ROCK1: variants seen among roughly 807,000 people sequenced by gnomAD.
ROCK1 encodes the protein Rho associated coiled-coil containing protein kinase 1.
In ROCK1, 36 loss-of-function variants were observed where a neutral mutation model predicts 196.8. The ratio of observed to expected loss-of-function variants is 0.18; its 90% CI spans 0.14 to 0.24. ROCK1 has a LOEUF of 0.24. Ranked by LOEUF, ROCK1 falls within the 10% of genes least tolerant of loss-of-function variation. ROCK1 has a pLI of 1.00. For synonymous variants in ROCK1, 443 were observed against 515.9 expected, an observed-to-expected ratio of 0.86 and a Z score of 1.91; for missense variants, 920 against 1,562.0, an observed-to-expected ratio of 0.59 and a Z score of 6.93.
chr18:20,992,848 G>C lies in ROCK1; in HGVS notation c.1975C>G (p.Leu659Val). 2 of 1,596,882 alleles carry C rather than the reference G, an allele frequency of 1.3e-6. No homozygotes were observed. The highest frequency in any genetic ancestry group is 1.7e-6 in the Non-Finnish European group (2 of 1,165,108). The change falls in exon 17 of 33, where the codon CTT becomes GTT. Residue 659 changes from leucine to valine, a missense_variant. Leu to Val is a conservative substitution (Grantham distance 32). Around this residue, in one of 6 missense-constraint regions of ROCK1, gnomAD observed 520 missense variants for 657.1 expected, o/e 0.79. Coordinates refer to ENST00000399799, the MANE Select transcript of ROCK1 (RefSeq NM_005406.3). ...EGERKEAQDMLNHSEKEKNNL... is the reference protein window; with the variant it reads ...EGERKEAQDMVNHSEKEKNNL... The stretch of plus-strand genomic sequence containing the variant: ...TCATTTACCTTTTCTGAGTGATTAA[G>C]CATGTCTTGAGCCTCTTTTCTTTCT...
chr18:21,104,104 C>A (rs2036682399), intron 1 of ROCK1, among the ~76,000 whole-genome samples: 1 of 152,128 alleles, frequency 6.6e-6, no homozygotes, highest in Non-Finnish European at 1.5e-5. Context: ...CAATAGAACT[C>A]TATATATAAT....
At chr18:20,981,311 G>A (rs1037307195) in intron 21 of ROCK1, among the ~76,000 whole-genome samples, 7 of 151,384 alleles carry the variant, frequency 4.6e-5, no homozygotes, top group African/African-American at 7.3e-5. Context: ...GGAGAATGGC[G>A]TGAACCCGGG....
chr18:21,085,944 T>C (rs2036523050), intron 1 of ROCK1, among the ~76,000 whole-genome samples: 1 of 152,164 alleles, frequency 6.6e-6, no homozygotes, highest in South Asian at 2.1e-4. Context: ...GTGAACACAA[T>C]CAAAGTTTTC....
rs1376289380 is a variant in ROCK1 at position 20,959,040 on chromosome 18, A to AATATATACATTTTATATAAT, written c.3512+799_3512+800insATTATATAAAATGTATATAT. Among the ~76,000 whole-genome samples the AATATATACATTTTATATAAT allele has an allele frequency of 1.0e-4, 6 of 57,426 alleles. 1 individual carries two copies. Among genetic ancestry groups the AATATATACATTTTATATAAT allele is most frequent in the African/African-American group, 8.5e-4 (6 of 7,088 alleles). 37.7% of individuals were successfully genotyped at this position (57,426 alleles called of 152,430 possible). ...TATATATAATATATATATTTTATAT[A>AATATATACATTTTATATAAT]ATATATAATATATATATTATATTTT... On this transcript the variant is annotated intron_variant, in intron 29 of 32. Transcript: ENST00000399799.
intron 2 of ROCK1, among the ~76,000 whole-genome samples, chr18:21,064,203 TAA>T (rs2036315068): frequency 6.6e-6 from 1 of 152,214 alleles, no homozygotes; most frequent in Admixed American, 6.6e-5. Flanking sequence ...TCTCTCATTA[TAA>T]ACCAAGTTCA....
At chr18:21,089,486 C>T (rs187623022) in intron 1 of ROCK1, among the ~76,000 whole-genome samples, 10 of 152,316 alleles carry the variant, frequency 6.6e-5, no homozygotes, top group Admixed American at 6.5e-4. Context: ...TATGACAATA[C>T]ATTGCCTTGG....
intron 29 of ROCK1, among the ~76,000 whole-genome samples, chr18:20,959,105 A>ATATATATATTATATAATATATATAT (rs1157768279): frequency 5.9e-5 from 2 of 33,924 alleles, no homozygotes; most frequent in African/African-American, 4.7e-4. Flanking sequence ...TATATATATT[A>ATATATATATTATATAATATATATAT]TATATATATT....
intron 1 of ROCK1, among the ~76,000 whole-genome samples, chr18:21,097,279 T>C (rs1177020870): frequency 6.6e-6 from 1 of 152,176 alleles, no homozygotes; most frequent in Non-Finnish European, 1.5e-5. Flanking sequence ...GGATGAAAAT[T>C]TGGATTTGGG....
intron 1 of ROCK1, among the ~76,000 whole-genome samples, chr18:21,085,763 A>C (rs1403280867): frequency 3.3e-5 from 5 of 152,204 alleles, no homozygotes; most frequent in Non-Finnish European, 1.5e-5. Flanking sequence ...AAGTTATTTA[A>C]CCCATCACCA....
At chr18:20,956,181 AAGAGAAAGAG>A (rs1363605529) in intron 29 of ROCK1, among the ~76,000 whole-genome samples, 1 of 152,106 alleles carries the variant, frequency 6.6e-6, no homozygotes, top group African/African-American at 2.4e-5. Flanking sequence ...GAGAGAGTGA[AAGAGAAAGAG>A]AGAGAAAGAG....
intron 2 of ROCK1, among the ~76,000 whole-genome samples, chr18:21,054,967 G>C (rs1179603279): frequency 6.6e-6 from 1 of 152,018 alleles, no homozygotes; most frequent in Non-Finnish European, 1.5e-5. Flanking sequence ...AACCCCACCA[G>C]GACCTCCAAT....
intron 12 of ROCK1, among the ~76,000 whole-genome samples, chr18:21,017,572 T>C (rs1304680849): frequency 6.6e-6 from 1 of 152,200 alleles, no homozygotes; most frequent in Non-Finnish European, 1.5e-5. Flanking sequence ...TCGTGATTTA[T>C]TCAGTACTAT....
intron 1 of ROCK1, among the ~76,000 whole-genome samples, chr18:21,103,042 T>C (rs2036672915): frequency 6.6e-6 from 1 of 152,140 alleles, no homozygotes; most frequent in Non-Finnish European, 1.5e-5. Flanking sequence ...GGACGTTAAT[T>C]TGAACATCTA....
At chr18:21,014,995 T>C (rs760987874) in intron 13 of ROCK1, among the ~76,000 whole-genome samples, 2 of 152,244 alleles carry the variant, frequency 1.3e-5, no homozygotes, top group Non-Finnish European at 2.9e-5. Flanking sequence ...ATGGAAAAGA[T>C]GAACATTCTA....
chr18:20,958,891 AT>A (rs1326606524), intron 29 of ROCK1, among the ~76,000 whole-genome samples: 3 of 101,814 alleles, frequency 2.9e-5, no homozygotes, highest in African/African-American at 5.1e-5. Flanking sequence ...AAATATATAT[AT>A]TTATTTATAT....
intron 32 of ROCK1, 184 bp downstream of exon 32, chr18:20,953,394 G>A (rs2035209190): frequency 6.4e-6 from 3 of 466,460 alleles, no homozygotes; most frequent in South Asian, 2.7e-5. Context: ...AATATTGCAT[G>A]TATTATTATT....
At chr18:20,959,111 AT>A (rs1568367441) in intron 29 of ROCK1, among the ~76,000 whole-genome samples, 4 of 52,770 alleles carry the variant, frequency 7.6e-5, no homozygotes, top group African/African-American at 3.8e-4. Flanking sequence ...TATTATATAT[AT>A]ATTATATAAT....
intron 12 of ROCK1, among the ~76,000 whole-genome samples, chr18:21,019,083 T>C (rs1225879857): frequency 6.6e-6 from 1 of 152,144 alleles, no homozygotes; most frequent in African/African-American, 2.4e-5. Context: ...ACATCAAAAA[T>C]TTAGTATATT....
rs112175992 is a variant in ROCK1, at chr18:20,950,850, G to A, written c.*534C>T. On this transcript the variant is annotated 3_prime_UTR_variant, in exon 33 of 33. Transcript: ENST00000399799. The stretch of plus-strand genomic sequence containing the variant: ...TAAGGCTTTTAAATTCTACAGTGAG[G>A]GCACTGAAGTTCAAGTGATATCACT... 2.6e-3 allele frequency: 396 copies of A among 152,460 alleles called. 2 individuals are homozygous for A. The highest frequency in any genetic ancestry group is 4.4e-3 in the Non-Finnish European group (296 of 68,008). The allele number at this position is 152,460 out of a possible 1,614,324, so 9.4% of individuals were successfully genotyped here.
Sources: gnomAD v4.1 joint callset for allele counts (sites outside exome capture counted in the v4.1 genomes callset) on GRCh38, gnomAD v4.1.1 for gene constraint, gnomAD v4.1.1 regional missense constraint, MANE v1.5 for transcripts, NCBI Gene and HGNC (gene_info 2026-07-23, HGNC 2026-07-21) for gene names.